The following NTNG1 variants were observed in gnomAD, a reference collection of about 807,000 sequenced individuals.
NTNG1 encodes netrin-G1.
A neutral mutation model predicts 54.0 loss-of-function variants in NTNG1; 16 were observed. The ratio of observed to expected loss-of-function variants is 0.30; its 90% CI spans 0.20 to 0.45. NTNG1 has a LOEUF of 0.45. Ranked by LOEUF, NTNG1 falls within the 20% of genes least tolerant of loss-of-function variation. NTNG1 has a pLI of 1.00. For missense variants in NTNG1, 530 were observed against 678.7 expected (o/e 0.78, Z 2.43); for synonymous variants, 255 against 263.1 (o/e 0.97, Z 0.30).
chr1:107,155,737 T>G (rs1025683889), intron 2 of NTNG1, among the ~76,000 whole-genome samples: 4 of 152,198 alleles, frequency 2.6e-5, no homozygotes, highest in Non-Finnish European at 5.9e-5. Flanking sequence ...AGGCAGCAAA[T>G]AAATGATAAC....
intron 5 of NTNG1, among the ~76,000 whole-genome samples, chr1:107,412,683 GAGAAC>G (rs1673906243): frequency 6.6e-6 from 1 of 152,082 alleles, no homozygotes; most frequent in Non-Finnish European, 1.5e-5. Flanking sequence ...TTGTCACCTG[GAGAAC>G]TTACAAGCAT....
intron 2 of NTNG1, among the ~76,000 whole-genome samples, chr1:107,155,256 C>G (rs916661088): frequency 1.3e-5 from 2 of 151,858 alleles, no homozygotes; most frequent in African/African-American, 2.4e-5. Flanking sequence ...ATGAAGCCCT[C>G]GTGTCATCTC....
intron 3 of NTNG1, among the ~76,000 whole-genome samples, chr1:107,332,521 C>T (rs569938534): frequency 6.6e-6 from 1 of 152,180 alleles, no homozygotes; most frequent in Admixed American, 6.5e-5. Context: ...GTTTTTTATC[C>T]TAAATCTGTG....
At chr1:107,370,740 T>G (rs1670871511) in intron 3 of NTNG1, among the ~76,000 whole-genome samples, 1 of 152,132 alleles carries the variant, frequency 6.6e-6, no homozygotes, top group Non-Finnish European at 1.5e-5. Flanking sequence ...GGTATATTTC[T>G]TCAATTATTT....
intron 5 of NTNG1, chr1:107,409,308 C>A (rs1673646510): frequency 6.6e-6 from 1 of 152,164 alleles, no homozygotes; most frequent in Admixed American, 6.5e-5. Context: ...ATTGAGGCTG[C>A]TATAGTGATC....
chr1:107,463,478 A>G, intron 7 of NTNG1, among the ~76,000 whole-genome samples: 1 of 151,382 alleles, frequency 6.6e-6, no homozygotes, highest in East Asian at 1.9e-4. Flanking sequence ...TTTTCATCTT[A>G]TTAGTTATGT....
intron 2 of NTNG1, among the ~76,000 whole-genome samples, chr1:107,241,957 T>C (rs1429076640): frequency 6.6e-6 from 1 of 152,218 alleles, no homozygotes; most frequent in East Asian, 1.9e-4. Context: ...TTATGAAATG[T>C]ATCATACATA....
intron 2 of NTNG1, among the ~76,000 whole-genome samples, chr1:107,319,885 A>ATATATATATATATATATATAT (rs1557896129): frequency 6.6e-6 from 1 of 150,940 alleles, no homozygotes; most frequent in African/African-American, 2.4e-5. Context: ...ATATATATAT[A>ATATATATATATATATATATAT]AAACTCTGAA....
chr1:107,386,956 G>A (rs563519573), intron 3 of NTNG1, among the ~76,000 whole-genome samples: 8 of 152,050 alleles, frequency 5.3e-5, no homozygotes, highest in Non-Finnish European at 7.4e-5. Context: ...AGTGTGAATC[G>A]GCGTCTCATT....
intron 2 of NTNG1, among the ~76,000 whole-genome samples, chr1:107,276,877 A>G (rs951961680): frequency 2.6e-5 from 4 of 151,586 alleles, no homozygotes; most frequent in Non-Finnish European, 5.9e-5. Context: ...CATTCTTAAA[A>G]TTTTATCTTT....
intron 2 of NTNG1, among the ~76,000 whole-genome samples, chr1:107,160,788 C>T (rs1462728196): frequency 3.3e-5 from 5 of 152,050 alleles, no homozygotes; most frequent in Non-Finnish European, 5.9e-5. Flanking sequence ...CTGTTTATTC[C>T]TGCTTCTTTG....
chr1:107,346,772 G>A (rs1421936229), intron 3 of NTNG1, among the ~76,000 whole-genome samples: 2 of 149,536 alleles, frequency 1.3e-5, no homozygotes, highest in Non-Finnish European at 3.0e-5. Context: ...ATAACAGCCA[G>A]GACTTTCTTA....
rs867594936 is a variant in NTNG1, at chr1:107,418,696, A to G, written c.1087+10988A>G. ...ACATAAAATCCCACATGTTTGGGGG[A>G]AAATCCTATATGCCATTTTTAGCAC... On this transcript the variant is annotated intron_variant, in intron 5 of 7. Transcript: ENST00000370068. 1.2e-5 allele frequency: 14 copies of G among 1,179,834 alleles called. No homozygotes were observed. In the Middle Eastern group the frequency reaches 1.3e-3, roughly 113 times the overall value. 73.1% of individuals were successfully genotyped at this position (1,179,834 alleles called of 1,614,324 possible). A position where few individuals can be genotyped will look rare whatever the true frequency, so the allele number is the denominator to read the frequency against.
At chr1:107,170,720 A>G (rs1444511014) in intron 2 of NTNG1, among the ~76,000 whole-genome samples, 2 of 152,166 alleles carry the variant, frequency 1.3e-5, no homozygotes, top group African/African-American at 4.8e-5. Context: ...TGAGGGGGAA[A>G]AAAAAGAATA....
intron 3 of NTNG1, among the ~76,000 whole-genome samples, chr1:107,343,730 A>T (rs1052691187): frequency 1.3e-5 from 2 of 152,130 alleles, no homozygotes; most frequent in African/African-American, 4.8e-5. Flanking sequence ...AGTGCAATAG[A>T]GGCTTTTTAT....
At chr1:107,321,433 A>C (rs532732506) in intron 2 of NTNG1, among the ~76,000 whole-genome samples, 6 of 152,182 alleles carry the variant, frequency 3.9e-5, no homozygotes, top group Admixed American at 2.6e-4. Context: ...CCTCAATGGA[A>C]GGGTGCCCAC....
At chr1:107,150,403 A>C (rs1160134534) in intron 2 of NTNG1, among the ~76,000 whole-genome samples, 1 of 152,120 alleles carries the variant, frequency 6.6e-6, no homozygotes, top group African/African-American at 2.4e-5. Context: ...CTCATTACAA[A>C]TCTGGGTTGA....
chr1:107,352,990 AT>A (rs1669718008), intron 3 of NTNG1, among the ~76,000 whole-genome samples: 1 of 151,926 alleles, frequency 6.6e-6, no homozygotes, highest in African/African-American at 2.4e-5. Context: ...CCAGGAAACC[AT>A]TTTTTCCTCC....
intron 2 of NTNG1, among the ~76,000 whole-genome samples, chr1:107,198,003 T>C (rs529130091): frequency 6.6e-6 from 1 of 152,136 alleles, no homozygotes; most frequent in South Asian, 2.1e-4. Context: ...TGAGGTGCAA[T>C]GTCAAAGGTA....
Sources: gnomAD v4.1 joint callset for allele counts (sites outside exome capture counted in the v4.1 genomes callset) on GRCh38, gnomAD v4.1.1 for gene constraint, MANE v1.5 for transcripts, NCBI Gene and HGNC (gene_info 2026-07-23, HGNC 2026-07-21) for gene names.